Variants in SLC14A2 observed in about 807,000 individuals in gnomAD.
SLC14A2 encodes the protein urea transporter 2.
Under a neutral mutation model 104.6 loss-of-function variants are expected in SLC14A2, and 91 were observed. The observed-to-expected ratio is 0.87, with a 90% CI of 0.73 to 1.04. The LOEUF (loss-of-function observed/expected upper bound fraction) is 1.04. Ranked by LOEUF, SLC14A2 falls within the 50% of genes least tolerant of loss-of-function variation. SLC14A2 has a pLI of 0.00. For missense variants in SLC14A2, 1,189 were observed against 1,156.0 expected (o/e 1.03, Z -0.41); for synonymous variants, 476 against 466.4 (o/e 1.02, Z -0.27).
chr18:45,386,918 G>A (rs1182962986), intron 1 of SLC14A2, among the ~76,000 whole-genome samples: 2 of 152,194 alleles, frequency 1.3e-5, no homozygotes, highest in South Asian at 4.1e-4. Flanking sequence ...GCAGTAAATG[G>A]CAGCTTGTTA....
rs185542425 is a variant in SLC14A2, at chr18:45,430,403, A to G, written c.-124-52830A>G. The stretch of plus-strand genomic sequence containing the variant: ...CCCATATGCTCATGGCTATAAATCA[A>G]GTTGAATAAAGAAAATATACACAAG... On this transcript the variant is annotated intron_variant, in intron 1 of 20. Transcript: ENST00000586448. 1.3e-3 allele frequency among the ~76,000 whole-genome samples: 198 copies of G among 152,324 alleles called. 1 individual carries two copies. The highest frequency in any genetic ancestry group is 4.4e-3 in the African/African-American group (182 of 41,582).
the SLC14A2 span, among the ~76,000 whole-genome samples, chr18:45,188,027 C>A: frequency 6.6e-6 from 1 of 152,062 alleles, no homozygotes; most frequent in East Asian, 1.9e-4. Flanking sequence ...GAGGGTGTTA[C>A]CTAATATATC....
chr18:45,673,660 C>G, intron 17 of SLC14A2, 23 bp from the exon 18 acceptor site: 1 of 1,612,038 alleles, frequency 6.2e-7, no homozygotes, highest in Non-Finnish European at 8.5e-7. Flanking sequence ...AGACCCAACC[C>G]TGATGCCTGC....
intron 2 of SLC14A2, among the ~76,000 whole-genome samples, chr18:45,604,686 G>A (rs935994648): frequency 2.6e-5 from 4 of 152,124 alleles, no homozygotes; most frequent in African/African-American, 9.7e-5. Context: ...CCCCCAATAT[G>A]TTTCTTTAAA....
chr18:45,225,326 G>C (rs1020295173), intron 1 of SLC14A2, among the ~76,000 whole-genome samples: 2 of 151,736 alleles, frequency 1.3e-5, no homozygotes, highest in East Asian at 3.9e-4. Context: ...ATTTCTGAGG[G>C]CTCTGTTCTG....
chr18:45,528,395 G>A (rs2043630176), intron 2 of SLC14A2: 1 of 151,966 alleles, frequency 6.6e-6, no homozygotes, highest in Admixed American at 6.6e-5. Flanking sequence ...CTGACATCCT[G>A]ACATCTCAGG....
chr18:45,207,792 A>C, the SLC14A2 span, among the ~76,000 whole-genome samples: 1 of 145,666 alleles, frequency 6.9e-6, no homozygotes, highest in South Asian at 2.1e-4. Context: ...CTAGTATTGC[A>C]TTTTTTTTAA....
chr18:45,218,517 G>T (rs2084031361), intron 1 of SLC14A2, among the ~76,000 whole-genome samples: 1 of 152,138 alleles, frequency 6.6e-6, no homozygotes, highest in African/African-American at 2.4e-5. Flanking sequence ...ATATGTGACT[G>T]TTTGACTTCA....
chr18:45,207,379 G>T, the SLC14A2 span, among the ~76,000 whole-genome samples: 1 of 141,436 alleles, frequency 7.1e-6, no homozygotes, highest in South Asian at 2.4e-4. Context: ...AAAGAAGGAA[G>T]GAAGGAAAGG....
At chr18:45,219,860 T>C (rs2084045128) in intron 1 of SLC14A2, among the ~76,000 whole-genome samples, 1 of 152,136 alleles carries the variant, frequency 6.6e-6, no homozygotes, top group Admixed American at 6.6e-5. Context: ...TGGGCAGTGA[T>C]AGAAAAAGAC....
intron 16 of SLC14A2, among the ~76,000 whole-genome samples, chr18:45,671,718 G>A (rs1048950796): frequency 9.9e-5 from 15 of 152,230 alleles, no homozygotes; most frequent in African/African-American, 3.6e-4. Context: ...TGTGGCGTGA[G>A]GGCCCCCGAG....
At chr18:45,201,394 T>G in the SLC14A2 span, among the ~76,000 whole-genome samples, 1 of 152,144 alleles carries the variant, frequency 6.6e-6, no homozygotes, top group Admixed American at 6.5e-5. Context: ...TTCTACCCAT[T>G]TATCTATTTA....
At chr18:45,269,660 T>C (rs920935455) in intron 1 of SLC14A2, among the ~76,000 whole-genome samples, 2 of 152,184 alleles carry the variant, frequency 1.3e-5, no homozygotes, top group African/African-American at 2.4e-5. Context: ...TAATTGCGCG[T>C]ACTATGTGCT....
rs973066312 is a variant in SLC14A2 at position 45,631,352 on chromosome 18, G to A, written c.522-998G>A. On this transcript the variant is annotated intron_variant, in intron 4 of 19. Transcript: ENST00000255226. ...GGGCCTTGCATCACAAGCTGCCTAT[G>A]CCCCTCCCTCACCCACAGCCTATGC... 2.6e-5 allele frequency among the ~76,000 whole-genome samples: 4 copies of A among 152,188 alleles called. No individual in the cohort carries two copies. In the East Asian group the frequency reaches 5.8e-4, roughly 22 times the overall value.
At chr18:45,630,765 C>T (rs557751872) in intron 4 of SLC14A2, among the ~76,000 whole-genome samples, 4 of 152,344 alleles carry the variant, frequency 2.6e-5, no homozygotes, top group African/African-American at 9.6e-5. Flanking sequence ...GTGGTCTTCT[C>T]TGCCACCTCC....
At position 45,501,920 on chromosome 18, in the gene SLC14A2, C is replaced by A. The variant is rs571190342; in HGVS notation, c.-35+18598C>A. On this transcript the variant is annotated intron_variant, in intron 2 of 20. Transcript: ENST00000586448. The stretch of plus-strand genomic sequence containing the variant: ...TCCAACCCTGATTTCTTCCTCTTAT[C>A]CTTGGATGTGATATCCTGGTTTTAT... Among the ~76,000 whole-genome samples, 587 of 152,270 alleles carry A rather than the reference C, an allele frequency of 3.9e-3. 3 individuals are homozygous for A. Among genetic ancestry groups the A allele is most frequent in the African/African-American group, 0.013 (559 of 41,536 alleles).
chr18:45,485,693 C>A (rs1212258987), intron 2 of SLC14A2, among the ~76,000 whole-genome samples: 1 of 152,086 alleles, frequency 6.6e-6, no homozygotes, highest in East Asian at 1.9e-4. Flanking sequence ...CCCTTCAACT[C>A]TTTGGTCTTT....
intron 1 of SLC14A2, among the ~76,000 whole-genome samples, chr18:45,214,740 T>G (rs774888966): frequency 3.3e-5 from 5 of 152,090 alleles, no homozygotes. Flanking sequence ...TCCAGTATTA[T>G]GTTTATCCAG....
intron 2 of SLC14A2, chr18:45,528,021 A>G (rs1329205071): frequency 1.3e-5 from 2 of 152,166 alleles, no homozygotes; most frequent in African/African-American, 2.4e-5. Context: ...TAGGGCCACC[A>G]TTAGGCTAAA....
Sources: allele counts gnomAD v4.1 joint callset (sites outside exome capture counted in the v4.1 genomes callset), GRCh38; gene constraint gnomAD v4.1.1; transcripts MANE v1.5; gene names NCBI Gene and HGNC (gene_info 2026-07-23, HGNC 2026-07-21).